Variants in SBF2 observed in about 807,000 individuals in gnomAD.
SBF2 encodes the protein SET binding factor 2.
In SBF2, 112 loss-of-function variants were observed where a neutral mutation model predicts 225.2. The observed-to-expected ratio is 0.50, with a 90% CI of 0.43 to 0.58. SBF2 has a LOEUF of 0.58. Among genes scored for constraint, SBF2 ranks in the 20% least tolerant of loss-of-function variants. The pLI is 0.00. For missense variants in SBF2, 1,996 were observed against 2,206.2 expected (o/e 0.90, Z 1.91); for synonymous variants, 763 against 773.3 (o/e 0.99, Z 0.22).
At chr11:10,260,439 G>A (rs764244753) in intron 1 of SBF2, among the ~76,000 whole-genome samples, 20 of 151,876 alleles carry the variant, frequency 1.3e-4, no homozygotes, top group South Asian at 2.1e-4. Context: ...TTTACAGGTC[G>A]GGCACGGTGG....
In SBF2 at chr11:9,939,369, T is replaced by C. The variant is rs533162916; in HGVS notation, c.1860+22588A>G. Among the ~76,000 whole-genome samples, 744 of 152,302 alleles carry C rather than the reference T, an allele frequency of 4.9e-3. 1 individual carries two copies. Among genetic ancestry groups the C allele is most frequent in the Non-Finnish European group, 8.7e-3 (591 of 68,014 alleles). On this transcript the variant is annotated intron_variant, in intron 16 of 39. Transcript: ENST00000256190. The stretch of plus-strand genomic sequence containing the variant: ...CCTTAGCCTCCCAAAGTGCTGGTAT[T>C]ACAGGCGTGAGCCACTGCGCCCGGC...
chr11:10,136,180 T>A (rs1344881739), intron 2 of SBF2, among the ~76,000 whole-genome samples: 7 of 152,174 alleles, frequency 4.6e-5, no homozygotes, highest in Non-Finnish European at 2.9e-5. Context: ...GAGAATATCA[T>A]GGGAAAGACC....
At chr11:10,107,132 C>T (rs72860548) in intron 2 of SBF2, among the ~76,000 whole-genome samples, 2 of 152,060 alleles carry the variant, frequency 1.3e-5, no homozygotes, top group African/African-American at 4.8e-5. Context: ...CATATACATA[C>T]TTAAATAAGT....
At chr11:9,885,947 G>A (rs540616965) in intron 17 of SBF2, among the ~76,000 whole-genome samples, 3 of 152,210 alleles carry the variant, frequency 2.0e-5, no homozygotes, top group East Asian at 1.9e-4. Context: ...CCTTCAGTAC[G>A]ATCTTGGCCT....
intron 6 of SBF2, among the ~76,000 whole-genome samples, chr11:10,017,371 C>T (rs1948696278): frequency 6.6e-6 from 1 of 152,084 alleles, no homozygotes; most frequent in South Asian, 2.1e-4. Flanking sequence ...TCTTTCTGGC[C>T]AACCCACAAC....
At chr11:9,854,199 C>T (rs1288528189) in intron 19 of SBF2, among the ~76,000 whole-genome samples, 1 of 152,178 alleles carries the variant, frequency 6.6e-6, no homozygotes, top group African/African-American at 2.4e-5. Context: ...CAAGCGTACT[C>T]TTCCATATGT....
intron 2 of SBF2, among the ~76,000 whole-genome samples, chr11:10,155,595 A>T (rs1351537662): frequency 6.6e-6 from 1 of 152,142 alleles, no homozygotes; most frequent in East Asian, 1.9e-4. Flanking sequence ...TTCAGAGGGG[A>T]AGGTCATACA....
intron 2 of SBF2, among the ~76,000 whole-genome samples, chr11:10,165,499 A>G (rs1955911620): frequency 6.6e-6 from 1 of 152,218 alleles, no homozygotes; most frequent in South Asian, 2.1e-4. Flanking sequence ...ATCTGTTGCA[A>G]AATTAGCCAA....
At chr11:9,814,722 G>T (rs1357541439) in intron 29 of SBF2, among the ~76,000 whole-genome samples, 1 of 152,086 alleles carries the variant, frequency 6.6e-6, no homozygotes, top group African/African-American at 2.4e-5. Flanking sequence ...ACTTATAATA[G>T]ACAAAACATA....
chr11:10,297,846 G>A (rs753691134), upstream of SBF2, among the ~76,000 whole-genome samples: 7 of 152,224 alleles, frequency 4.6e-5, no homozygotes, highest in East Asian at 1.9e-4. Flanking sequence ...CACTAAAGCT[G>A]TGCTTTGCTT....
intron 2 of SBF2, among the ~76,000 whole-genome samples, chr11:10,131,706 G>T (rs1022404108): frequency 3.3e-5 from 5 of 152,144 alleles, no homozygotes; most frequent in African/African-American, 1.2e-4. Flanking sequence ...CTCCCAAAGT[G>T]CTGGGATTAC....
intron 1 of SBF2, among the ~76,000 whole-genome samples, chr11:10,200,321 T>C (rs1957526218): frequency 6.6e-6 from 1 of 152,224 alleles, no homozygotes; most frequent in African/African-American, 2.4e-5. Context: ...TATACCAGTA[T>C]GAGTAGGTGC....
intron 17 of SBF2, among the ~76,000 whole-genome samples, chr11:9,882,637 T>C (rs1223407021): frequency 1.3e-5 from 2 of 151,758 alleles, no homozygotes; most frequent in African/African-American, 2.4e-5. Context: ...TGAAACCCCG[T>C]CTCTACTAAA....
intron 2 of SBF2, among the ~76,000 whole-genome samples, chr11:10,122,271 A>G (rs1164589458): frequency 6.6e-6 from 1 of 152,230 alleles, no homozygotes; most frequent in Non-Finnish European, 1.5e-5. Context: ...GTGTTTAGTT[A>G]AGATGAAAAA....
intron 13 of SBF2, among the ~76,000 whole-genome samples, chr11:9,975,763 T>A (rs902134967): frequency 3.9e-5 from 6 of 152,212 alleles, no homozygotes; most frequent in African/African-American, 1.4e-4. Flanking sequence ...GTCGTTTATG[T>A]CTATGTCTTG....
chr11:9,861,529 T>G (rs1857739700), intron 17 of SBF2, among the ~76,000 whole-genome samples: 1 of 152,046 alleles, frequency 6.6e-6, no homozygotes, highest in Non-Finnish European at 1.5e-5. Flanking sequence ...CTGGGTGTGG[T>G]GGCAGGCACC....
intron 12 of SBF2, among the ~76,000 whole-genome samples, chr11:9,990,707 C>T (rs1017661450): frequency 6.6e-6 from 1 of 152,004 alleles, no homozygotes; most frequent in Non-Finnish European, 1.5e-5. Flanking sequence ...AGAGTCCTTG[C>T]CTTATCATTG....
chr11:10,252,296 A>C (rs530389294), intron 1 of SBF2, among the ~76,000 whole-genome samples: 2 of 152,368 alleles, frequency 1.3e-5, no homozygotes, highest in Admixed American at 1.3e-4. Context: ...CAAAAGTGGG[A>C]AATTGTTAAA....
chr11:10,229,295 G>GT (rs1259887983), intron 1 of SBF2, among the ~76,000 whole-genome samples: 2 of 152,054 alleles, frequency 1.3e-5, no homozygotes, highest in Non-Finnish European at 2.9e-5. Context: ...TTTTTGAAGG[G>GT]TTTTTTGTGT....
Sources: gnomAD v4.1 joint callset for allele counts (sites outside exome capture counted in the v4.1 genomes callset) on GRCh38, gnomAD v4.1.1 for gene constraint, MANE v1.5 for transcripts, NCBI Gene and HGNC (gene_info 2026-07-23, HGNC 2026-07-21) for gene names.